MTUS2: variants seen among roughly 807,000 people sequenced by gnomAD.
The protein encoded by MTUS2 is microtubule associated scaffold protein 2.
A neutral mutation model predicts 114.1 loss-of-function variants in MTUS2; 40 were observed. The observed-to-expected ratio is 0.35, with a 90% CI of 0.27 to 0.46. The LOEUF (loss-of-function observed/expected upper bound fraction) is 0.46, where lower values mean the gene tolerates loss of function less well. Ranked by LOEUF, MTUS2 falls within the 20% of genes least tolerant of loss-of-function variation. The pLI, the probability that MTUS2 is intolerant of heterozygous loss-of-function variation, is 1.00. For synonymous variants in MTUS2, 688 were observed against 672.0 expected, an observed-to-expected ratio of 1.02 and a Z score of -0.37; for missense variants, 1,679 against 1,705.4, an observed-to-expected ratio of 0.98 and a Z score of 0.27.
chr13:28,952,313 T>C (rs558570336), intron 2 of MTUS2, among the ~76,000 whole-genome samples: 23 of 152,326 alleles, frequency 1.5e-4, no homozygotes, highest in African/African-American at 4.3e-4. Context: ...CCATCAAATA[T>C]ATGAGCTCAT....
intron 12 of MTUS2, among the ~76,000 whole-genome samples, chr13:29,494,896 C>G (rs923584469): frequency 6.6e-6 from 1 of 151,628 alleles, no homozygotes; most frequent in Non-Finnish European, 1.5e-5. Context: ...AAAAATTAGT[C>G]GGATGTGGGT....
chr13:29,257,904 A>G (rs560050092), intron 5 of MTUS2, among the ~76,000 whole-genome samples: 2 of 152,296 alleles, frequency 1.3e-5, no homozygotes, highest in East Asian at 3.9e-4. Flanking sequence ...TGGCCTCAAG[A>G]GTCCATGAGC....
intron 5 of MTUS2, among the ~76,000 whole-genome samples, chr13:29,256,941 T>A (rs140414455): frequency 1.3e-5 from 2 of 152,316 alleles, no homozygotes; most frequent in Non-Finnish European, 2.9e-5. Flanking sequence ...TCCAGGTACT[T>A]CCTCCTGGAG....
At chr13:29,155,834 G>A (rs188788371) in intron 5 of MTUS2, among the ~76,000 whole-genome samples, 146 of 151,808 alleles carry the variant, frequency 9.6e-4, no homozygotes, top group Admixed American at 1.6e-3. Flanking sequence ...GTCTCTGATT[G>A]TTAATTATAA....
chr13:29,215,959 T>C (rs1396958664), intron 5 of MTUS2, among the ~76,000 whole-genome samples: 1 of 152,236 alleles, frequency 6.6e-6, no homozygotes, highest in African/African-American at 2.4e-5. Flanking sequence ...CGTTTAAGTC[T>C]GCTGAAGGTG....
At chr13:29,050,597 C>A (rs1051240514) in intron 4 of MTUS2, among the ~76,000 whole-genome samples, 3 of 152,184 alleles carry the variant, frequency 2.0e-5, no homozygotes, top group African/African-American at 7.2e-5. Context: ...CATCTTACCC[C>A]CCTCTTCACA....
chr13:29,198,891 C>T (rs760492159), intron 5 of MTUS2, among the ~76,000 whole-genome samples: 12 of 151,918 alleles, frequency 7.9e-5, no homozygotes, highest in African/African-American at 1.5e-4. Flanking sequence ...TGTATAGGAA[C>T]GCTTGTGATT....
At chr13:29,428,459 C>G (rs1876718774) in intron 8 of MTUS2, among the ~76,000 whole-genome samples, 1 of 152,222 alleles carries the variant, frequency 6.6e-6, no homozygotes, top group African/African-American at 2.4e-5. Flanking sequence ...CGGCCGCGCA[C>G]CCAGAGGAGA....
At chr13:29,170,471 G>A (rs547592046) in intron 5 of MTUS2, among the ~76,000 whole-genome samples, 9 of 152,272 alleles carry the variant, frequency 5.9e-5, no homozygotes, top group Admixed American at 2.6e-4. Flanking sequence ...AAAAGGCCAC[G>A]TCTGCTTCTA....
At chr13:29,111,706 A>G (rs542992915) in intron 5 of MTUS2, among the ~76,000 whole-genome samples, 5 of 152,186 alleles carry the variant, frequency 3.3e-5, no homozygotes, top group Non-Finnish European at 5.9e-5. Context: ...TCTTCTGGGA[A>G]GGTTCGCAAA....
intron 5 of MTUS2, among the ~76,000 whole-genome samples, chr13:29,257,617 T>C (rs1450801128): frequency 7.2e-5 from 11 of 152,196 alleles, no homozygotes; most frequent in Admixed American, 5.9e-4. Context: ...TGGGGAATCA[T>C]TGAAAGGTCG....
At chr13:29,276,135 G>T (rs1383864802) in intron 5 of MTUS2, among the ~76,000 whole-genome samples, 3 of 152,194 alleles carry the variant, frequency 2.0e-5, no homozygotes, top group East Asian at 1.9e-4. Flanking sequence ...TCAGCTCAGG[G>T]TGTCCACACA....
In MTUS2 at chr13:29,034,252, A is replaced by G. The variant is rs561021413; in HGVS notation, c.2446+127A>G. 13 of 1,260,836 alleles carry G rather than the reference A, an allele frequency of 1.0e-5. No homozygotes were observed. In the East Asian group the frequency reaches 1.4e-4, roughly 14 times the overall value. The allele number at this position is 1,260,836 out of a possible 1,614,324, so 78.1% of individuals were successfully genotyped here. A position where few individuals can be genotyped will look rare whatever the true frequency, so the allele number is the denominator to read the frequency against. On this transcript the variant is annotated intron_variant, in intron 4 of 15. Coordinates refer to ENST00000612955, the MANE Select transcript of MTUS2 (RefSeq NM_001033602.4). ...AAGGAGAGCCTTTTTCTGTTCTTCC[A>G]TATGTCTGTAGATGCAGACATTTGT... is the stretch of plus-strand genomic sequence containing the variant.
At chr13:28,909,886 C>G (rs922148124) in intron 2 of MTUS2, among the ~76,000 whole-genome samples, 1 of 151,954 alleles carries the variant, frequency 6.6e-6, no homozygotes, top group African/African-American at 2.4e-5. Context: ...GCAATTGTTT[C>G]TTTTTATTTT....
chr13:28,951,878 GGT>G (rs2138177762), intron 2 of MTUS2, among the ~76,000 whole-genome samples: 1 of 152,188 alleles, frequency 6.6e-6, no homozygotes, highest in Admixed American at 6.5e-5. Context: ...CATCTGACTT[GGT>G]ATGATATCTG....
intron 5 of MTUS2, among the ~76,000 whole-genome samples, chr13:29,156,663 T>C (rs1003159687): frequency 6.6e-6 from 1 of 152,134 alleles, no homozygotes; most frequent in Non-Finnish European, 1.5e-5. Context: ...ACTTGGAGGA[T>C]ATGGTGTAAG....
chr13:29,046,610 A>G (rs1366190000), intron 4 of MTUS2, among the ~76,000 whole-genome samples: 5 of 152,276 alleles, frequency 3.3e-5, no homozygotes, highest in African/African-American at 4.8e-5. Context: ...CTTCCCCTGC[A>G]TTTTCTAAAT....
chr13:28,963,111 G>A (rs1883406333), intron 2 of MTUS2, among the ~76,000 whole-genome samples: 1 of 152,130 alleles, frequency 6.6e-6, no homozygotes, highest in African/African-American at 2.4e-5. Flanking sequence ...CAGCACTTTG[G>A]GAGGCCGAGA....
At chr13:28,935,006 G>GTTTTTTTCTTTTTTTT (rs1881818027) in intron 2 of MTUS2, among the ~76,000 whole-genome samples, 1 of 41,438 alleles carries the variant, frequency 2.4e-5, no homozygotes, top group African/African-American at 1.2e-4. Flanking sequence ...TCTCCATAGC[G>GTTTTTTTCTTTTTTTT]TTTTTTTTTT....
Sources: gnomAD v4.1 joint callset for allele counts (sites outside exome capture counted in the v4.1 genomes callset) on GRCh38, gnomAD v4.1.1 for gene constraint, MANE v1.5 for transcripts, NCBI Gene and HGNC (gene_info 2026-07-23, HGNC 2026-07-21) for gene names.